Variants in DACH1 observed in about 807,000 individuals in gnomAD.
The protein encoded by DACH1 is dachshund homolog 1.
In DACH1, 12 loss-of-function variants were observed where a neutral mutation model predicts 54.2. The observed-to-expected ratio is 0.22, with a 90% CI of 0.14 to 0.36. The LOEUF (loss-of-function observed/expected upper bound fraction) is 0.36, where lower values mean the gene tolerates loss of function less well. Among genes scored for constraint, DACH1 ranks in the 10% least tolerant of loss-of-function variants. The pLI is 1.00. For missense variants in DACH1, 805 were observed against 929.8 expected, an observed-to-expected ratio of 0.87 and a Z score of 1.75; for synonymous variants, 386 against 366.2, an observed-to-expected ratio of 1.05 and a Z score of -0.62.
At chr13:71,651,371 A>G (rs1878652557) in intron 2 of DACH1, among the ~76,000 whole-genome samples, 1 of 147,580 alleles carries the variant, frequency 6.8e-6, no homozygotes, top group Non-Finnish European at 1.5e-5. Context: ...CTGTCTCACA[A>G]AAAAAAAAAA....
chr13:71,535,949 C>T (rs555052736), intron 6 of DACH1, among the ~76,000 whole-genome samples: 1 of 151,740 alleles, frequency 6.6e-6, no homozygotes, highest in East Asian at 1.9e-4. Flanking sequence ...CCAAACTTGA[C>T]GTAGAAATTG....
chr13:71,760,258 T>C (rs567506618), intron 1 of DACH1, among the ~76,000 whole-genome samples: 1 of 152,326 alleles, frequency 6.6e-6, no homozygotes, highest in African/African-American at 2.4e-5. Flanking sequence ...GGTTCTTTGA[T>C]TGAGCGTCTA....
At chr13:71,766,440 T>C (rs1283881288) in intron 1 of DACH1, among the ~76,000 whole-genome samples, 1 of 152,200 alleles carries the variant, frequency 6.6e-6, no homozygotes, top group Admixed American at 6.5e-5. Flanking sequence ...GTTTGAGACC[T>C]ACTGCCTAGC....
intron 1 of DACH1, among the ~76,000 whole-genome samples, chr13:71,827,940 AT>A (rs1191986789): frequency 6.6e-6 from 1 of 152,008 alleles, no homozygotes; most frequent in African/African-American, 2.4e-5. Context: ...GAATAGTGCT[AT>A]TAATCACATA....
chr13:71,446,261 T>C (rs1248810037), intron 10 of DACH1, among the ~76,000 whole-genome samples: 1 of 152,252 alleles, frequency 6.6e-6, no homozygotes, highest in African/African-American at 2.4e-5. Context: ...TCTTTGGTTC[T>C]TTCTGTATGT....
intron 1 of DACH1, among the ~76,000 whole-genome samples, chr13:71,725,421 T>G (rs1056455753): frequency 5.3e-5 from 8 of 152,110 alleles, no homozygotes; most frequent in Non-Finnish European, 1.0e-4. Flanking sequence ...TTTCTCTGAG[T>G]GCATTGTGGT....
intron 10 of DACH1, 82 bp downstream of exon 10, chr13:71,475,059 C>T (rs1877393471): frequency 2.4e-6 from 3 of 1,270,384 alleles, no homozygotes; most frequent in Non-Finnish European, 3.5e-6. Context: ...AGATGGTAGG[C>T]TACATGCTTG....
chr13:71,454,115 T>TAGAA (rs1226681090), intron 10 of DACH1, among the ~76,000 whole-genome samples: 2 of 152,186 alleles, frequency 1.3e-5, no homozygotes, highest in African/African-American at 4.8e-5. Flanking sequence ...TGAGAATCAA[T>TAGAA]AGAATGTTTG....
In DACH1 at chr13:71,472,523, T is replaced by A. The variant is rs527615094; in HGVS notation, c.2083+2618A>T. On this transcript the variant is annotated intron_variant, in intron 10 of 10. Coordinates refer to ENST00000613252, the MANE Select transcript of DACH1 (RefSeq NM_080759.6). ...TATTGCCAGAAATGTTAAAAATACA[T>A]GAAAAAATTAAAAAACCTGTGGGCT... is the stretch of plus-strand genomic sequence containing the variant. 2.6e-5 allele frequency among the ~76,000 whole-genome samples: 4 copies of A among 152,328 alleles called. No homozygotes were observed. In the East Asian group the frequency reaches 7.7e-4, roughly 29 times the overall value.
intron 1 of DACH1, among the ~76,000 whole-genome samples, chr13:71,712,020 G>A (rs559595037): frequency 9.9e-5 from 15 of 152,164 alleles, no homozygotes; most frequent in African/African-American, 3.6e-4. Context: ...TCGTTCCAAA[G>A]AGTTACAAAG....
rs1358955634 is a variant in DACH1, at chr13:71,526,687, T to C, written c.1570+30337A>G. ...AGTAAGAATTGTTCTGCCATGATCA[T>C]ACATACATATGTGTGTGTGTATATA... On this transcript the variant is annotated intron_variant, in intron 6 of 10. Transcript: ENST00000613252. Among the ~76,000 whole-genome samples the C allele has an allele frequency of 9.3e-5, 14 of 149,916 alleles. No homozygotes were observed. In the East Asian group the frequency reaches 2.6e-3, roughly 28 times the overall value.
chr13:71,722,900 C>T lies in DACH1; in HGVS notation c.849-40990G>A, dbSNP rs372190307. Among the ~76,000 whole-genome samples, 23 of 152,152 alleles carry T rather than the reference C, an allele frequency of 1.5e-4. No homozygotes were observed. In the South Asian group the frequency reaches 4.8e-3, roughly 32 times the overall value. ...AAAGAGAGGAGGAGGATTCTTATCA[C>T]CTCCTCCCTCAATGCTTAGGAGCAG... On this transcript the variant is annotated intron_variant, in intron 1 of 10. Coordinates refer to ENST00000613252, the MANE Select transcript of DACH1 (RefSeq NM_080759.6).
chr13:71,664,024 A>T (rs1283123419), intron 2 of DACH1, among the ~76,000 whole-genome samples: 4 of 151,956 alleles, frequency 2.6e-5, no homozygotes, highest in Admixed American at 2.0e-4. Context: ...AAAAATCTCC[A>T]GTGTGAAGTA....
chr13:71,685,508 G>A (rs1881115735), intron 1 of DACH1, among the ~76,000 whole-genome samples: 1 of 151,972 alleles, frequency 6.6e-6, no homozygotes, highest in Non-Finnish European at 1.5e-5. Flanking sequence ...ACCTCTCGTT[G>A]GAGTTATTCC....
At chr13:71,767,537 A>G (rs571446888) in intron 1 of DACH1, among the ~76,000 whole-genome samples, 2 of 152,216 alleles carry the variant, frequency 1.3e-5, no homozygotes, top group Non-Finnish European at 2.9e-5. Context: ...CCTCCTCATC[A>G]TAGAAGCAAC....
intron 1 of DACH1, among the ~76,000 whole-genome samples, chr13:71,726,108 T>G (rs1883458072): frequency 1.3e-5 from 2 of 152,098 alleles, no homozygotes; most frequent in Non-Finnish European, 2.9e-5. Flanking sequence ...GAATCTCAGC[T>G]ATGGACCAAG....
chr13:71,698,764 T>C (rs1881958577), intron 1 of DACH1, among the ~76,000 whole-genome samples: 2 of 152,106 alleles, frequency 1.3e-5, no homozygotes, highest in Non-Finnish European at 2.9e-5. Context: ...ATTTTCCTCT[T>C]GTGGATGCAA....
chr13:71,531,360 G>A (rs896369036), intron 6 of DACH1, among the ~76,000 whole-genome samples: 2 of 141,168 alleles, frequency 1.4e-5, no homozygotes, highest in African/African-American at 4.9e-5. Flanking sequence ...AAGGTCTAAG[G>A]AGGTCTTCAT....
At chr13:71,681,166 C>A (rs563782025) in intron 2 of DACH1, among the ~76,000 whole-genome samples, 2 of 151,982 alleles carry the variant, frequency 1.3e-5, no homozygotes, top group South Asian at 2.1e-4. Context: ...ATTAATGAAC[C>A]CATTCAGGGG....
Sources: allele counts gnomAD v4.1 joint callset (sites outside exome capture counted in the v4.1 genomes callset), GRCh38; gene constraint gnomAD v4.1.1; transcripts MANE v1.5; gene names NCBI Gene and HGNC (gene_info 2026-07-23, HGNC 2026-07-21).